Variants in TRMT9B observed in about 807,000 individuals in gnomAD.
TRMT9B encodes the protein tRNA methyltransferase 9B (putative).
In TRMT9B, 16 loss-of-function variants were observed where a neutral mutation model predicts 11.5. The ratio of observed to expected loss-of-function variants is 1.39; its 90% confidence interval spans 0.94 to 2.11. The LOEUF is 2.11. TRMT9B is among the 30% of genes most tolerant of loss of function. TRMT9B has a pLI of 0.00. For missense variants in TRMT9B, 941 were observed against 553.8 expected (o/e 1.70, Z -7.02); for synonymous variants, 274 against 192.4 (o/e 1.42, Z -3.51).
chr8:12,964,287 T>A (rs972486268), intron 1 of TRMT9B, among the ~76,000 whole-genome samples: 1 of 152,222 alleles, frequency 6.6e-6, no homozygotes, highest in Admixed American at 6.5e-5. Context: ...CACATCCTCA[T>A]CTTTCTTGGC....
intron 4 of TRMT9B, among the ~76,000 whole-genome samples, chr8:13,020,416 T>C (rs534813): frequency 0.33 from 49,594 of 152,220 alleles, 9,014 homozygotes; most frequent in African/African-American, 0.48. Context: ...AAAATGATGA[T>C]GTATACATTG....
At chr8:12,969,705 C>T (rs919948591) in intron 1 of TRMT9B, among the ~76,000 whole-genome samples, 3 of 151,180 alleles carry the variant, frequency 2.0e-5, no homozygotes, top group Non-Finnish European at 2.9e-5. Flanking sequence ...CTCTCTATAC[C>T]GCAGGCTGGA....
intron 1 of TRMT9B, among the ~76,000 whole-genome samples, chr8:12,970,833 A>G (rs977336872): frequency 4.6e-5 from 7 of 152,150 alleles, no homozygotes; most frequent in South Asian, 4.1e-4. Context: ...ACGTTTGGGA[A>G]CTGTGATAAG....
intron 2 of TRMT9B, 31 bp from the exon 3 acceptor site, chr8:13,006,171 G>T (rs549664797): frequency 8.1e-6 from 13 of 1,609,594 alleles, no homozygotes; most frequent in South Asian, 3.3e-5. Flanking sequence ...AGGCTGACCT[G>T]CATGCCTTGG....
chr8:12,961,133 C>T (rs1255589140), intron 1 of TRMT9B, among the ~76,000 whole-genome samples: 1 of 151,972 alleles, frequency 6.6e-6, no homozygotes, highest in African/African-American at 2.4e-5. Flanking sequence ...GAGTGAGACT[C>T]CATCTCAAAA....
chr8:13,006,032 T>C (rs1044124856), intron 2 of TRMT9B, among the ~76,000 whole-genome samples, 170 bp from the exon 3 acceptor site: 2 of 152,260 alleles, frequency 1.3e-5, no homozygotes, highest in Non-Finnish European at 2.9e-5. Flanking sequence ...TTTTGGCTAC[T>C]ATGGCGAGGT....
chr8:12,982,212 G>C (rs1805512679), intron 1 of TRMT9B, among the ~76,000 whole-genome samples: 1 of 152,100 alleles, frequency 6.6e-6, no homozygotes, highest in Admixed American at 6.6e-5. Context: ...GGAAATCCTG[G>C]ACCAGGTGAG....
Position 13,026,710 on chromosome 8 carries a change from A to G in TRMT9B, c.*4666A>G, listed in dbSNP as rs140827377. 1.2e-5 allele frequency: 2 copies of G among 167,150 alleles called. No individual in the cohort carries two copies. The highest frequency in any genetic ancestry group is 1.9e-4 in the East Asian group (1 of 5,206). The allele number at this position is 167,150 out of a possible 1,614,324, so 10.4% of individuals were successfully genotyped here. On this transcript the variant is annotated 3_prime_UTR_variant, in exon 5 of 5. Transcript: ENST00000524591. ...GCTTAAGGTTACACACATAGTAGGT[A>G]TCACACATTTAGTTAGAGGCAGAGC...
intron 1 of TRMT9B, among the ~76,000 whole-genome samples, chr8:12,962,613 C>T (rs1469893264): frequency 1.3e-5 from 2 of 152,136 alleles, no homozygotes; most frequent in Non-Finnish European, 2.9e-5. Context: ...ACCTCAGCCC[C>T]CCAAGTAGCT....
chr8:13,009,482 A>G (rs997360198), intron 3 of TRMT9B, among the ~76,000 whole-genome samples: 24 of 152,268 alleles, frequency 1.6e-4, no homozygotes, highest in African/African-American at 5.5e-4. Context: ...TTAGTGTAAA[A>G]TCTTCTCCCA....
At chr8:12,966,006 C>G (rs1202273623) in intron 1 of TRMT9B, among the ~76,000 whole-genome samples, 1 of 150,598 alleles carries the variant, frequency 6.6e-6, no homozygotes, top group Non-Finnish European at 1.5e-5. Flanking sequence ...GAGCAAGACT[C>G]TGTCTCAAAA....
chr8:13,010,394 G>A (rs1811376154), intron 3 of TRMT9B: 1 of 981,816 alleles, frequency 1.0e-6, no homozygotes, highest in African/African-American at 1.8e-5. Context: ...AAAGACAGAT[G>A]GTAATATGAC....
chr8:13,015,956 T>G (rs1812570963), intron 4 of TRMT9B, among the ~76,000 whole-genome samples: 1 of 151,786 alleles, frequency 6.6e-6, no homozygotes, highest in Non-Finnish European at 1.5e-5. Flanking sequence ...TAGGACTATA[T>G]TATGGTAGCC....
Position 13,024,650 on chromosome 8 carries a change from T to A in TRMT9B, c.*2606T>A, listed in dbSNP as rs533030253. 10 of 167,170 alleles carry A rather than the reference T, an allele frequency of 6.0e-5. No individual in the cohort carries two copies. The highest frequency in any genetic ancestry group is 2.4e-4 in the African/African-American group (10 of 41,572). 10.4% of individuals were successfully genotyped at this position (167,170 alleles called of 1,614,324 possible). A position where few individuals can be genotyped will look rare whatever the true frequency, so the allele number is the denominator to read the frequency against. ...TGAGCTAAACTGTCTGAGCAACCTC[T>A]TAGATGTGCACACACCACTTTGTAT... On this transcript the variant is annotated 3_prime_UTR_variant, in exon 5 of 5. Transcript: ENST00000524591.
chr8:12,982,798 G>A (rs1805634687), intron 1 of TRMT9B, among the ~76,000 whole-genome samples: 1 of 152,124 alleles, frequency 6.6e-6, no homozygotes, highest in African/African-American at 2.4e-5. Flanking sequence ...GCCACAAGTG[G>A]AAGTCACGCC....
At chr8:12,951,630 C>CCCGGAGGCG (rs992678911) in intron 1 of TRMT9B, 8 of 152,130 alleles carry the variant, frequency 5.3e-5, no homozygotes, top group African/African-American at 1.9e-4. Flanking sequence ...GCCTTCGCTG[C>CCCGGAGGCG]CCGGAGGCGC....
In TRMT9B at chr8:13,027,006, C is replaced by A. The variant is rs1255236809; in HGVS notation, c.*4962C>A. 6.0e-6 allele frequency: 1 copy of A among 166,974 alleles called. No homozygotes were observed. The highest frequency in any genetic ancestry group is 1.5e-5 in the Non-Finnish European group (1 of 68,102). 10.3% of individuals were successfully genotyped at this position (166,974 alleles called of 1,614,324 possible). The stretch of plus-strand genomic sequence containing the variant: ...ATTTGATTTGAATTAAAAAATAGTT[C>A]TTGGTTGCAAAATATTCTGGGACCA... On this transcript the variant is annotated 3_prime_UTR_variant, in exon 5 of 5. Coordinates refer to ENST00000524591, the MANE Select transcript of TRMT9B (RefSeq NM_020844.3).
chr8:12,995,680 G>A (rs1488722766), intron 2 of TRMT9B, among the ~76,000 whole-genome samples: 6 of 152,048 alleles, frequency 3.9e-5, no homozygotes, highest in Admixed American at 1.3e-4. Flanking sequence ...TTTGTTTTGG[G>A]TTTGGTTTTT....
chr8:12,947,035 T>A (rs1243248912), intron 1 of TRMT9B, among the ~76,000 whole-genome samples: 1 of 152,280 alleles, frequency 6.6e-6, no homozygotes, highest in East Asian at 1.9e-4. Flanking sequence ...CCCGTGAACA[T>A]CCCAAAATGA....
Sources: allele counts gnomAD v4.1 joint callset (sites outside exome capture counted in the v4.1 genomes callset), GRCh38; gene constraint gnomAD v4.1.1; transcripts MANE v1.5; gene names NCBI Gene and HGNC (gene_info 2026-07-23, HGNC 2026-07-21).